Variants in ATP2A3 observed in about 807,000 individuals in gnomAD.
The protein encoded by ATP2A3 is sarcoplasmic/endoplasmic reticulum calcium ATPase 3.
In ATP2A3, 61 loss-of-function variants were observed where a neutral mutation model predicts 106.8. The observed-to-expected ratio is 0.57, with a 90% CI of 0.46 to 0.71. The LOEUF (loss-of-function observed/expected upper bound fraction) is 0.71, where lower values mean the gene tolerates loss of function less well. Ranked by LOEUF, ATP2A3 falls within the 30% of genes least tolerant of loss-of-function variation. The probability of loss-of-function intolerance (pLI) is 0.00; values close to 1 mark genes in which losing one functional copy is unlikely to be tolerated. For missense variants in ATP2A3, 1,201 were observed against 1,423.5 expected, an observed-to-expected ratio of 0.84 and a Z score of 2.52; for synonymous variants, 611 against 609.3, an observed-to-expected ratio of 1.00 and a Z score of -0.04.
chr17:3,937,052 C>T, intron 15 of ATP2A3: 1 of 374,946 alleles, frequency 2.7e-6, no homozygotes, highest in Non-Finnish European at 5.1e-6. Context: ...CTCAGGCACT[C>T]AGGCCATGTG....
At chr17:3,932,041 A>T (rs769466107) in intron 17 of ATP2A3, among the ~76,000 whole-genome samples, 1 of 152,248 alleles carries the variant, frequency 6.6e-6, no homozygotes, top group Non-Finnish European at 1.5e-5. Context: ...AAAGAGATAG[A>T]GAATCTGATA....
chr17:3,930,413 C>G lies in ATP2A3; in HGVS notation c.2632G>C (p.Glu878Gln). 1.2e-6 allele frequency: 2 copies of G among 1,613,966 alleles called. No individual in the cohort carries two copies. The highest frequency in any genetic ancestry group is 8.5e-7 in the Non-Finnish European group (1 of 1,179,998). The change falls in exon 18 of 21, where the codon GAA becomes CAA. Residue 878 changes from glutamate (E) to glutamine (Q), a missense_variant. By Grantham distance (29) the Glu-to-Gln change is conservative. Coordinates refer to ENST00000397041, the MANE Select transcript of ATP2A3 (RefSeq NM_005173.4). This position sits in a 1 kb window ranked among gnomAD's most constrained non-coding sequence, Gnocchi z 5.4. ...YQLRNFLKCSEDNPLFAGIDC... is the reference protein window; with the variant it reads ...YQLRNFLKCSQDNPLFAGIDC... ...ATGCCGGCAAAGAGCGGGTTGTCTT[C>G]GGAGCACTTCAGGAAGTTCCTCTGG...
chr17:3,953,224 C>A lies in ATP2A3; in HGVS notation c.219+123G>T, dbSNP rs2054556360. 9 of 1,149,596 alleles carry A rather than the reference C, an allele frequency of 7.8e-6. No individual in the cohort carries two copies. The highest frequency in any genetic ancestry group is 2.3e-4 in the Middle Eastern group (1 of 4,436). 71.2% of individuals were successfully genotyped at this position (1,149,596 alleles called of 1,614,324 possible). ...CTGAGCAGGGCAGGGCCAGGGAAGG[C>A]CAGGGCGCAGGCCCAGGGTGTGGAG... On this transcript the variant is annotated intron_variant, in intron 3 of 20. Coordinates refer to ENST00000397041, the MANE Select transcript of ATP2A3 (RefSeq NM_005173.4). This position sits in a 1 kb window ranked among gnomAD's most constrained non-coding sequence, Gnocchi z 5.1.
rs964332549 is a variant in ATP2A3, at chr17:3,953,979, TTCCAGCCCCTCCAG to T, written c.119-283_119-270del. On this transcript the variant is annotated intron_variant, in intron 1 of 20. Transcript: ENST00000397041. This position sits in a 1 kb window ranked among gnomAD's most constrained non-coding sequence, Gnocchi z 5.1. Reference sequence around the variant, plus strand: ...GATGAGTACGGAGCCAAGAGGGTCCTTCCAGCCCCTCCAGTCCAGCCCCTCCCTGCCCCACTTCA... The same window carrying T: ...GATGAGTACGGAGCCAAGAGGGTCCTTCCAGCCCCTCCCTGCCCCACTTCA... Among the ~76,000 whole-genome samples the T allele has an allele frequency of 1.1e-4, 17 of 152,012 alleles. No homozygotes were observed. Among genetic ancestry groups the T allele is most frequent in the Admixed American group, 2.0e-4 (3 of 15,266 alleles).
intron 17 of ATP2A3, among the ~76,000 whole-genome samples, chr17:3,931,519 TTTTC>T (rs2053084064): frequency 6.7e-6 from 1 of 148,462 alleles, no homozygotes; most frequent in African/African-American, 2.6e-5. Context: ...TGGAGATCTT[TTTTC>T]TTTTTTTTTT....
At chr17:3,940,919 C>T in intron 14 of ATP2A3, 52 bp downstream of exon 14, 2 of 1,597,236 alleles carry the variant, frequency 1.3e-6, no homozygotes, top group South Asian at 1.1e-5. Flanking sequence ...TCTTTTCACA[C>T]CCCGTGGCCC....
chr17:3,948,072 A>G (rs560795942), intron 7 of ATP2A3, among the ~76,000 whole-genome samples: 2 of 152,282 alleles, frequency 1.3e-5, no homozygotes, highest in South Asian at 2.1e-4. Context: ...GTTTGGGTTC[A>G]TCGCCGTATC....
Position 3,925,220 on chromosome 17 carries a change from C to T in ATP2A3, c.*202G>A, listed in dbSNP as rs2052636575. On this transcript the variant is annotated 3_prime_UTR_variant, in exon 21 of 21. Transcript: ENST00000397041. The surrounding 1 kb of genome is among the most constrained non-coding windows in gnomAD (Gnocchi z 4.2). ...GAGTCCAGGAGACAGGAATTACAGA[C>T]CTCCCAGGCCAGAAGGAAGTGGGGA... The T allele has an allele frequency of 1.3e-6, 1 of 758,596 alleles. No individual in the cohort carries two copies. The highest frequency in any genetic ancestry group is 2.2e-6 in the Non-Finnish European group (1 of 463,606). The allele number at this position is 758,596 out of a possible 1,614,324, so 47.0% of individuals were successfully genotyped here.
intron 1 of ATP2A3, among the ~76,000 whole-genome samples, chr17:3,962,735 G>A (rs910042709): frequency 6.6e-6 from 1 of 152,238 alleles, no homozygotes; most frequent in Non-Finnish European, 1.5e-5. Flanking sequence ...CCTGGCTAGG[G>A]TCGTACAGAA....
At chr17:3,951,787 G>C in intron 3 of ATP2A3, 102 bp from the exon 4 acceptor site, 1 of 1,180,810 alleles carries the variant, frequency 8.5e-7, no homozygotes, top group South Asian at 1.3e-5. Context: ...CTGCTTTGGG[G>C]AGATAGCACT....
At chr17:3,937,212 T>C (rs17846896) in intron 15 of ATP2A3, 67,233 of 646,852 alleles carry the variant, frequency 0.1, 6,477 homozygotes, top group East Asian at 0.48. Context: ...GGGGTGACCA[T>C]GATCCATAGG....
chr17:3,949,878 TG>T (rs1367843988), intron 7 of ATP2A3, among the ~76,000 whole-genome samples: 1 of 152,086 alleles, frequency 6.6e-6, no homozygotes, highest in Non-Finnish European at 1.5e-5. Context: ...ACCTTAATGT[TG>T]GGCCAGGTGC....
At chr17:3,927,631 C>G (rs560206508) in intron 20 of ATP2A3, 16 of 985,434 alleles carry the variant, frequency 1.6e-5, no homozygotes, top group Admixed American at 6.1e-5. Context: ...AAGAACCAGA[C>G]AGGGGGCAGA....
intron 3 of ATP2A3, among the ~76,000 whole-genome samples, chr17:3,952,668 C>T (rs568924840): frequency 1.3e-5 from 2 of 152,324 alleles, no homozygotes; most frequent in Admixed American, 1.3e-4. Context: ...CGGCTCACTG[C>T]AGCTCCATCC....
intron 16 of ATP2A3, 70 bp from the exon 17 acceptor site, chr17:3,935,347 A>G: frequency 1.4e-6 from 2 of 1,455,886 alleles, no homozygotes; most frequent in Non-Finnish European, 1.9e-6. Context: ...CCCCTGCCTA[A>G]TAATTCCCTG....
chr17:3,930,159 C>G lies in ATP2A3; in HGVS notation c.2744+142G>C. The G allele has an allele frequency of 1.6e-6, 2 of 1,264,514 alleles. No individual in the cohort carries two copies. The highest frequency in any genetic ancestry group is 2.2e-6 in the Non-Finnish European group (2 of 922,760). The allele number at this position is 1,264,514 out of a possible 1,614,324, so 78.3% of individuals were successfully genotyped here. A position where few individuals can be genotyped will look rare whatever the true frequency, so the allele number is the denominator to read the frequency against. On this transcript the variant is annotated intron_variant, in intron 18 of 20. Coordinates refer to ENST00000397041, the MANE Select transcript of ATP2A3 (RefSeq NM_005173.4). This position sits in a 1 kb window ranked among gnomAD's most constrained non-coding sequence, Gnocchi z 5.4. ...AGACACTGATACTGGAACCCCCAGC[C>G]CTCAGCCCCCACTCCTCGGCCCCAG...
Position 3,953,196 on chromosome 17 carries a change from A to C in ATP2A3, c.219+151T>G. ...TGAGGGTTCAGGCAAGGGAAGCTGAAGTCTGAGCAGGGCAGGGCCAGGGAA... is the reference window on the plus strand; with the variant it reads ...TGAGGGTTCAGGCAAGGGAAGCTGACGTCTGAGCAGGGCAGGGCCAGGGAA... On this transcript the variant is annotated intron_variant, in intron 3 of 20. Coordinates refer to ENST00000397041, the MANE Select transcript of ATP2A3 (RefSeq NM_005173.4). This position sits in a 1 kb window ranked among gnomAD's most constrained non-coding sequence, Gnocchi z 5.1. 1 of 870,616 alleles carries C rather than the reference A, an allele frequency of 1.1e-6. No individual in the cohort carries two copies. Among genetic ancestry groups the C allele is most frequent in the Non-Finnish European group, 1.9e-6 (1 of 521,762 alleles). 53.9% of individuals were successfully genotyped at this position (870,616 alleles called of 1,614,324 possible).
At chr17:3,963,328 G>T (rs1447502562) in intron 1 of ATP2A3, among the ~76,000 whole-genome samples, 2 of 152,252 alleles carry the variant, frequency 1.3e-5, no homozygotes, top group East Asian at 3.8e-4. Flanking sequence ...ATGAGCAAGG[G>T]GGTGGCAGGT....
rs1239383917 is a variant in ATP2A3, at chr17:3,923,883, C to T, written c.*1539G>A. The T allele has an allele frequency of 6.6e-6, 1 of 152,300 alleles. No individual in the cohort carries two copies. The highest frequency in any genetic ancestry group is 1.5e-5 in the Non-Finnish European group (1 of 68,126). 9.4% of individuals were successfully genotyped at this position (152,300 alleles called of 1,614,324 possible). A position where few individuals can be genotyped will look rare whatever the true frequency, so the allele number is the denominator to read the frequency against. ...GCTGAGGATCCTCCGTTCCCCCAGT[C>T]ACACAACCTTTATTTCTCTACCAAA... On this transcript the variant is annotated 3_prime_UTR_variant, in exon 21 of 21. Coordinates refer to ENST00000397041, the MANE Select transcript of ATP2A3 (RefSeq NM_005173.4).
Sources: allele counts gnomAD v4.1 joint callset (sites outside exome capture counted in the v4.1 genomes callset), GRCh38; gene constraint gnomAD v4.1.1; non-coding constraint Gnocchi (gnomAD v3.1); transcripts MANE v1.5; gene names NCBI Gene and HGNC (gene_info 2026-07-23, HGNC 2026-07-21).